ZCCHC2: variants seen among roughly 807,000 people sequenced by gnomAD.
ZCCHC2 encodes the protein zinc finger CCHC domain-containing protein 2.
A neutral mutation model predicts 103.6 loss-of-function variants in ZCCHC2; 39 were observed. That is an observed-to-expected ratio of 0.38 (90% confidence interval 0.29 to 0.49). ZCCHC2 has a LOEUF of 0.49. Among genes scored for constraint, ZCCHC2 ranks in the 20% least tolerant of loss-of-function variants. The pLI is 0.96. For synonymous variants in ZCCHC2, 687 were observed against 608.9 expected (o/e 1.13, Z -1.89); for missense variants, 1,483 against 1,491.0 (o/e 0.99, Z 0.09).
At chr18:62,542,713 T>C (rs1915253273) in intron 3 of ZCCHC2, 139 bp downstream of exon 3, 2 of 709,668 alleles carry the variant, frequency 2.8e-6, no homozygotes, top group African/African-American at 1.8e-5. Flanking sequence ...TTTTTTATCA[T>C]ATACTACTGC....
At chr18:62,529,309 C>G (rs1914583210) in intron 1 of ZCCHC2, among the ~76,000 whole-genome samples, 1 of 152,088 alleles carries the variant, frequency 6.6e-6, no homozygotes. Context: ...GCAGTGGGTG[C>G]TGACTGAGGC....
chr18:62,556,676 A>T (rs1915897037), intron 6 of ZCCHC2, among the ~76,000 whole-genome samples: 1 of 152,174 alleles, frequency 6.6e-6, no homozygotes. Context: ...GATCAGACAG[A>T]AAATGTTAGC....
intron 4 of ZCCHC2, among the ~76,000 whole-genome samples, chr18:62,547,325 TAAAAA>T (rs78827586): frequency 7.9e-5 from 11 of 139,804 alleles, no homozygotes; most frequent in African/African-American, 2.4e-4. Context: ...AACTCCATCT[TAAAAA>T]AAAAAAAAAA....
chr18:62,545,467 C>T (rs753489698), intron 4 of ZCCHC2, among the ~76,000 whole-genome samples: 70 of 152,166 alleles, frequency 4.6e-4, no homozygotes, highest in South Asian at 8.3e-4. Context: ...ATAGAATCTC[C>T]AAACTACTGG....
intron 1 of ZCCHC2, among the ~76,000 whole-genome samples, chr18:62,531,729 T>G (rs1371726774): frequency 2.0e-5 from 3 of 151,056 alleles, no homozygotes; most frequent in African/African-American, 7.3e-5. Context: ...GAGGGATCGC[T>G]TGAGCCCAGG....
chr18:62,524,116 C>G lies in ZCCHC2; in HGVS notation c.692C>G (p.Ala231Gly). The change falls in exon 1 of 14, where the codon GCC becomes GGC. Residue 231 changes from alanine (A) to glycine (G), a missense_variant. By Grantham distance (60) the Ala-to-Gly change is moderately conservative. Transcript: ENST00000269499. ...GAGGACGGCGACGGCGAGCAGGACG[C>G]CGAGAAGGACGGCTCAGGCCCGGAA... ...RGEDGDGEQD[A>G]EKDGSGPEGG... 1 of 1,526,962 alleles carries G rather than the reference C, an allele frequency of 6.5e-7. No homozygotes were observed. The allele number at this position is 1,526,962 out of a possible 1,614,324, so 94.6% of individuals were successfully genotyped here.
At chr18:62,573,859 A>G (rs1478403401) in intron 12 of ZCCHC2, among the ~76,000 whole-genome samples, 198 bp from the exon 13 acceptor site, 1 of 152,202 alleles carries the variant, frequency 6.6e-6, no homozygotes, top group Non-Finnish European at 1.5e-5. Context: ...ATATCCCCGT[A>G]TTTTAAAAAT....
chr18:62,535,940 T>A (rs1914903600), intron 1 of ZCCHC2, among the ~76,000 whole-genome samples: 1 of 152,254 alleles, frequency 6.6e-6, no homozygotes. Context: ...CTCTTACTGC[T>A]GTGTTATTAT....
At chr18:62,567,944 CAAAAAAA>C (rs71888422) in intron 11 of ZCCHC2, among the ~76,000 whole-genome samples, 1 of 81,402 alleles carries the variant, frequency 1.2e-5, no homozygotes. Flanking sequence ...GACTCTGTCT[CAAAAAAA>C]AAAAAAAAGA....
intron 14 of ZCCHC2, among the ~76,000 whole-genome samples, chr18:62,583,993 A>G (rs1917102230): frequency 1.3e-5 from 2 of 152,086 alleles, no homozygotes. Context: ...TCATTAACGT[A>G]TTGGCTTGCT....
intron 11 of ZCCHC2, among the ~76,000 whole-genome samples, chr18:62,569,593 T>G (rs1463450149): frequency 6.6e-6 from 1 of 151,896 alleles, no homozygotes; most frequent in Non-Finnish European, 1.5e-5. Flanking sequence ...GGCTAGTTGG[T>G]CATGGCAGGT....
At position 62,524,042 on chromosome 18, in the gene ZCCHC2, C is replaced by G. The variant is rs1194428534; in HGVS notation, c.618C>G (p.Arg206=). The G allele has an allele frequency of 6.8e-7, 1 of 1,465,720 alleles. No individual in the cohort carries two copies. Among genetic ancestry groups the G allele is most frequent in the East Asian group, 2.7e-5 (1 of 37,204 alleles). The allele number at this position is 1,465,720 out of a possible 1,614,324, so 90.8% of individuals were successfully genotyped here. A position where few individuals can be genotyped will look rare whatever the true frequency, so the allele number is the denominator to read the frequency against. ...TGGACTCGGTGCTCAAAAGCCTGCG[C>G]GCGGCCCGGGGCGAGGGCTCGCGGG... ...PQVDSVLKSL[R]AARGEGSRGG... The change falls in exon 1 of 14, where the codon CGC becomes CGG. Residue 206 remains arginine (R), a synonymous_variant. Coordinates refer to ENST00000269499, the MANE Select transcript of ZCCHC2 (RefSeq NM_017742.6).
At chr18:62,566,000 T>G (rs1190619753) in intron 11 of ZCCHC2, among the ~76,000 whole-genome samples, 1 of 152,318 alleles carries the variant, frequency 6.6e-6, no homozygotes, top group African/African-American at 2.4e-5. Context: ...ATCCCAGCAC[T>G]TTGAGAGGCC....
chr18:62,548,453 T>C (rs891320526), intron 4 of ZCCHC2, among the ~76,000 whole-genome samples: 1 of 152,224 alleles, frequency 6.6e-6, no homozygotes, highest in East Asian at 1.9e-4. Flanking sequence ...AGTTCAACCA[T>C]CAGTGATTTG....
chr18:62,549,162 T>G (rs1468920684), intron 4 of ZCCHC2, among the ~76,000 whole-genome samples: 1 of 151,002 alleles, frequency 6.6e-6, no homozygotes, highest in Admixed American at 6.6e-5. Flanking sequence ...GAGCTTGCAG[T>G]GAGCCGAGAT....
At chr18:62,532,064 T>C (rs1216257979) in intron 1 of ZCCHC2, among the ~76,000 whole-genome samples, 2 of 152,206 alleles carry the variant, frequency 1.3e-5, no homozygotes, top group Admixed American at 6.5e-5. Flanking sequence ...TTGAAGGTCA[T>C]GTTAAAATAA....
At chr18:62,582,061 AAG>A (rs1420711409), downstream of ZCCHC2, among the ~76,000 whole-genome samples, 1 of 152,250 alleles carries the variant, frequency 6.6e-6, no homozygotes, top group African/African-American at 2.4e-5. Context: ...AAAATTATAA[AAG>A]AGTTTCAAGA....
chr18:62,560,510 A>C, intron 7 of ZCCHC2, 77 bp from the exon 8 acceptor site: 32 of 1,200,294 alleles, frequency 2.7e-5, no homozygotes, highest in Non-Finnish European at 3.9e-5. Context: ...GGTTATGATC[A>C]TACAAACTAG....
intron 5 of ZCCHC2, among the ~76,000 whole-genome samples, chr18:62,554,543 A>G (rs1425500286): frequency 6.6e-6 from 1 of 152,174 alleles, no homozygotes; most frequent in Non-Finnish European, 1.5e-5. Flanking sequence ...TTTAGTTTGC[A>G]TGCTGATTTC....
Sources: allele counts gnomAD v4.1 joint callset (sites outside exome capture counted in the v4.1 genomes callset), GRCh38; gene constraint gnomAD v4.1.1; transcripts MANE v1.5; gene names NCBI Gene and HGNC (gene_info 2026-07-23, HGNC 2026-07-21).